CHPT1: variants seen among roughly 807,000 people sequenced by gnomAD.
CHPT1 encodes the protein choline phosphotransferase 1.
A neutral mutation model predicts 47.6 loss-of-function variants in CHPT1; 36 were observed. The ratio of observed to expected loss-of-function variants is 0.76; its 90% CI spans 0.58 to 1.00. The LOEUF is 1.00. Ranked by LOEUF, CHPT1 falls within the 50% of genes least tolerant of loss-of-function variation. The pLI, the probability that CHPT1 is intolerant of heterozygous loss-of-function variation, is 0.00. For missense variants in CHPT1, 458 were observed against 498.1 expected, an observed-to-expected ratio of 0.92 and a Z score of 0.77; for synonymous variants, 194 against 186.3, an observed-to-expected ratio of 1.04 and a Z score of -0.33.
chr12:101,719,494 C>G, intron 4 of CHPT1: 1 of 1,261,558 alleles, frequency 7.9e-7, no homozygotes, highest in Non-Finnish European at 1.0e-6. Flanking sequence ...TGGAAGTTTT[C>G]TTGAACAGCA....
At chr12:101,722,707 T>TAAAAAAA (rs10605402) in intron 5 of CHPT1, among the ~76,000 whole-genome samples, 19 of 113,652 alleles carry the variant, frequency 1.7e-4, no homozygotes, top group Middle Eastern at 4.5e-3. Context: ...CACAAAAAAT[T>TAAAAAAA]AAAAAAAAAA....
intron 8 of CHPT1, 54 bp from the exon 9 acceptor site, chr12:101,728,847 A>G: frequency 6.3e-7 from 1 of 1,593,874 alleles, no homozygotes; most frequent in Non-Finnish European, 8.6e-7. Flanking sequence ...AAACTATTCT[A>G]AAGACTTACA....
intron 5 of CHPT1, among the ~76,000 whole-genome samples, chr12:101,721,239 GACGGTGCC>G (rs1325572415): frequency 6.6e-6 from 1 of 152,084 alleles, no homozygotes; most frequent in Non-Finnish European, 1.5e-5. Context: ...AGTAAGCTGA[GACGGTGCC>G]ACTGCACTCC....
chr12:101,700,402 G>A (rs1951538347), intron 1 of CHPT1, among the ~76,000 whole-genome samples: 1 of 151,776 alleles, frequency 6.6e-6, no homozygotes, highest in Admixed American at 6.6e-5. Context: ...GCCCAAGAAG[G>A]GTAAATGAGA....
intron 1 of CHPT1, among the ~76,000 whole-genome samples, chr12:101,704,232 T>C (rs1951597316): frequency 6.6e-6 from 1 of 152,052 alleles, no homozygotes; most frequent in South Asian, 2.1e-4. Context: ...TAATGAACAT[T>C]GTATAGTTCT....
intron 1 of CHPT1, among the ~76,000 whole-genome samples, chr12:101,703,574 C>T (rs1462427905): frequency 1.3e-5 from 2 of 152,166 alleles, no homozygotes; most frequent in African/African-American, 2.4e-5. Context: ...AGGTCTGGGT[C>T]GAAAGCAGTG....
chr12:101,719,789 T>G (rs1242149738), intron 4 of CHPT1: 1 of 236,780 alleles, frequency 4.2e-6, no homozygotes, highest in South Asian at 5.1e-5. Context: ...GAAAGCAGTT[T>G]CAAAAAAAAG....
Position 101,720,169 on chromosome 12 carries a change from T to G in CHPT1, c.695T>G (p.Phe232Cys). Residue 232 changes from phenylalanine to cysteine, a missense_variant, in exon 5 of 9, where the codon TTT becomes TGT. Phe to Cys is a radical substitution (Grantham distance 205). Coordinates refer to ENST00000229266, the MANE Select transcript of CHPT1 (RefSeq NM_020244.3). ...TTGAAGATCCTTCCAGTTCTTGGAT[T>G]TCTAGGTGGAGTAATATTTTCCTGT... ...IKLKILPVLG[F>C]LGGVIFSCSN... 3 of 1,602,580 alleles carry G rather than the reference T, an allele frequency of 1.9e-6. No individual in the cohort carries two copies. Among genetic ancestry groups the G allele is most frequent in the Non-Finnish European group, 2.6e-6 (3 of 1,172,254 alleles).
At chr12:101,714,464 T>G (rs747613976) in intron 2 of CHPT1, 40 bp from the exon 3 acceptor site, 2 of 1,530,148 alleles carry the variant, frequency 1.3e-6, no homozygotes, top group South Asian at 2.5e-5. Flanking sequence ...TCATAAATTA[T>G]TTTTAATTCT....
At chr12:101,707,843 C>A (rs1951653923) in intron 1 of CHPT1, among the ~76,000 whole-genome samples, 1 of 152,134 alleles carries the variant, frequency 6.6e-6, no homozygotes, top group South Asian at 2.1e-4. Flanking sequence ...CCTCCTCTCT[C>A]ACCTCAATCT....
rs1345068999 is a variant in CHPT1 at position 101,726,319 on chromosome 12, T to A, written c.1091T>A (p.Ile364Lys). 2.5e-6 allele frequency: 4 copies of A among 1,611,282 alleles called. No homozygotes were observed. In the Admixed American group the frequency reaches 6.7e-5, roughly 27 times the overall value. Residue 364 changes from isoleucine (I) to lysine (K), a missense_variant, in exon 8 of 9, where the codon ATA becomes AAA. Ile to Lys is a moderately radical substitution (Grantham distance 102). Transcript: ENST00000229266. ...GTGATTTCTTCATTTGATATGGTGA[T>A]ATACTTTAGTGCTTTGTGCCTGCAA... Reference protein sequence around the residue: ...AMVISSFDMVIYFSALCLQIS... With the variant: ...AMVISSFDMVKYFSALCLQIS...
At chr12:101,716,664 G>T in intron 3 of CHPT1, 64 bp from the exon 4 acceptor site, 1 of 976,442 alleles carries the variant, frequency 1.0e-6, no homozygotes. Context: ...AATATGTGAT[G>T]AACCTCCATA....
At chr12:101,718,060 A>G (rs566928626) in intron 4 of CHPT1, among the ~76,000 whole-genome samples, 1 of 152,338 alleles carries the variant, frequency 6.6e-6, no homozygotes, top group Admixed American at 6.5e-5. Context: ...ACTATATGAC[A>G]TTCTTTAAAA....
intron 4 of CHPT1, among the ~76,000 whole-genome samples, chr12:101,718,233 T>A (rs186289817): frequency 6.6e-6 from 1 of 152,308 alleles, no homozygotes; most frequent in East Asian, 1.9e-4. Context: ...GCACACAGAA[T>A]GTGTAACACC....
chr12:101,700,297 A>G (rs1011999351), intron 1 of CHPT1, among the ~76,000 whole-genome samples: 1 of 149,542 alleles, frequency 6.7e-6, no homozygotes, highest in African/African-American at 2.5e-5. Context: ...TTTATGATTA[A>G]TTAGTTTTTA....
At chr12:101,716,926 TAATTGGTGTATTTAATA>T in intron 4 of CHPT1, 114 bp downstream of exon 4, 1 of 575,036 alleles carries the variant, frequency 1.7e-6, no homozygotes, top group Non-Finnish European at 2.9e-6. Flanking sequence ...TTTTTTTTTT[TAATTGGTGTATTTAATA>T]TTTGTTCCAT....
chr12:101,714,767 C>T (rs1041554878), intron 3 of CHPT1, 122 bp downstream of exon 3: 20 of 986,072 alleles, frequency 2.0e-5, no homozygotes, highest in East Asian at 5.6e-5. Context: ...ATTAATTCGT[C>T]GGAGTACTCA....
Position 101,698,114 on chromosome 12 carries a change from T to A in CHPT1, c.253T>A (p.Cys85Ser), listed in dbSNP as rs1277143384. The change falls in exon 1 of 9, where the codon TGT becomes AGT. Residue 85 changes from cysteine (C) to serine (S), a missense_variant. Cys to Ser is a moderately radical substitution (Grantham distance 112, BLOSUM62 -1). Coordinates refer to ENST00000229266, the MANE Select transcript of CHPT1 (RefSeq NM_020244.3). Reference sequence around the variant, plus strand: ...CACCACGCTCGTGCTCATCTCCTACTGTCCCACGGCCACCGAAGAGGTAGG... The same window carrying A: ...CACCACGCTCGTGCTCATCTCCTACAGTCCCACGGCCACCGAAGAGGTAGG... Reference protein sequence around the residue: ...VVTTLVLISYCPTATEEAPYW... With the variant: ...VVTTLVLISYSPTATEEAPYW... The A allele has an allele frequency of 3.2e-6, 5 of 1,538,790 alleles. No individual in the cohort carries two copies. The highest frequency in any genetic ancestry group is 3.5e-6 in the Non-Finnish European group (4 of 1,149,838).
At chr12:101,715,295 A>T (rs1450740115) in intron 3 of CHPT1, among the ~76,000 whole-genome samples, 1 of 152,108 alleles carries the variant, frequency 6.6e-6, no homozygotes, top group African/African-American at 2.4e-5. Flanking sequence ...TCATTTGCTC[A>T]TTTTGGCTTT....
Sources: allele counts gnomAD v4.1 joint callset (sites outside exome capture counted in the v4.1 genomes callset), GRCh38; gene constraint gnomAD v4.1.1; transcripts MANE v1.5; gene names NCBI Gene and HGNC (gene_info 2026-07-23, HGNC 2026-07-21).